UBR3: variants seen among roughly 807,000 people sequenced by gnomAD.
The protein encoded by UBR3 is ubiquitin protein ligase E3 component n-recognin 3, also known as E3 ubiquitin-protein ligase UBR3.
A neutral mutation model predicts 243.2 loss-of-function variants in UBR3; 85 were observed. The observed-to-expected ratio is 0.35, with a 90% CI of 0.29 to 0.42. The LOEUF (loss-of-function observed/expected upper bound fraction) is 0.42, where lower values mean the gene tolerates loss of function less well. Among genes scored for constraint, UBR3 ranks in the 10% least tolerant of loss-of-function variants. The pLI, the probability that UBR3 is intolerant of heterozygous loss-of-function variation, is 1.00. For missense variants in UBR3, 1,686 were observed against 2,300.8 expected (o/e 0.73, Z 5.47); for synonymous variants, 748 against 799.8 (o/e 0.94, Z 1.09).
chr2:169,890,671 TTTA>T (rs1231684763), intron 5 of UBR3, among the ~76,000 whole-genome samples: 1 of 147,040 alleles, frequency 6.8e-6, no homozygotes, highest in Non-Finnish European at 1.5e-5. Context: ...TTAATTTGTT[TTTA>T]TTATTATTTT....
chr2:169,840,868 C>T (rs927209887), intron 1 of UBR3, among the ~76,000 whole-genome samples: 8 of 152,148 alleles, frequency 5.3e-5, no homozygotes, highest in Non-Finnish European at 1.0e-4. Flanking sequence ...ACTTGAACTA[C>T]AGGTGGGGTG....
intron 18 of UBR3, among the ~76,000 whole-genome samples, chr2:169,929,481 C>T (rs1017571604): frequency 6.6e-6 from 1 of 152,030 alleles, no homozygotes; most frequent in African/African-American, 2.4e-5. Flanking sequence ...GAGGCTGAGG[C>T]AGGAGAATCA....
At chr2:170,062,337 T>C (rs552821706) in intron 35 of UBR3, among the ~76,000 whole-genome samples, 10 of 152,306 alleles carry the variant, frequency 6.6e-5, no homozygotes, top group African/African-American at 2.4e-4. Context: ...AAATTAAACA[T>C]TTATCATATT....
chr2:169,893,085 A>G (rs543034826), intron 6 of UBR3, among the ~76,000 whole-genome samples: 2 of 152,360 alleles, frequency 1.3e-5, no homozygotes, highest in East Asian at 1.9e-4. Flanking sequence ...ATTTCTGACT[A>G]CATTTTCATA....
At chr2:169,850,837 C>CA (rs901463712) in intron 1 of UBR3, among the ~76,000 whole-genome samples, 6 of 147,484 alleles carry the variant, frequency 4.1e-5, no homozygotes, top group Non-Finnish European at 6.0e-5. Context: ...GAGAGAGACT[C>CA]AGTCTCAAAA....
intron 24 of UBR3, among the ~76,000 whole-genome samples, chr2:169,968,698 A>G (rs1311857957): frequency 6.6e-6 from 1 of 152,196 alleles, no homozygotes; most frequent in Admixed American, 6.5e-5. Flanking sequence ...TCTTTTGAAT[A>G]TATACCCAGC....
In UBR3 at chr2:170,055,442, A is replaced by ATTTT; in HGVS notation, c.4661-13_4661-10dup. 6.2e-7 allele frequency: 1 copy of ATTTT among 1,604,210 alleles called. No individual in the cohort carries two copies. Among genetic ancestry groups the ATTTT allele is most frequent in the Admixed American group, 1.7e-5 (1 of 58,166 alleles). ...ATATCTAGATTCCAAAGAAATAATGATTTTTTTTCTCTTGCAGACCACTTT... is the reference window on the plus strand; with the variant it reads ...ATATCTAGATTCCAAAGAAATAATGATTTTTTTTTTTTCTCTTGCAGACCACTTT... On this transcript the variant is annotated splice_polypyrimidine_tract_variant and intron_variant, in intron 32 of 38. Coordinates refer to ENST00000272793, the MANE Select transcript of UBR3 (RefSeq NM_172070.4).
intron 30 of UBR3, among the ~76,000 whole-genome samples, chr2:170,025,046 G>T (rs1280060730): frequency 1.3e-5 from 2 of 152,020 alleles, no homozygotes; most frequent in Non-Finnish European, 2.9e-5. Context: ...GCAACAGAAA[G>T]GGAAAAGTAG....
rs374411417 is a variant in UBR3 at position 170,001,318 on chromosome 2, G to A, written c.3933G>A (p.Leu1311=). ...QRYFKDSSCL[L]AVSIGWEGGV... ...TTATTTTGAAGAGTTCATGTCTCTT[G>A]GCAGTATCAATTGGCTGGGAAGGAG... The change falls in exon 27 of 39, where the codon TTG becomes TTA. Residue 1311 remains leucine (L), a synonymous_variant. Transcript: ENST00000272793. The A allele has an allele frequency of 3.1e-5, 50 of 1,611,388 alleles. No individual in the cohort carries two copies. The highest frequency in any genetic ancestry group is 4.2e-5 in the Non-Finnish European group (50 of 1,177,854).
At position 169,906,055 on chromosome 2, in the gene UBR3, T is replaced by G; in HGVS notation, c.1670T>G (p.Leu557Arg). Residue 557 changes from leucine to arginine, a missense_variant, in exon 10 of 39, where the codon CTA becomes CGA. This residue lies in a region of UBR3 where 346 missense variants were observed against 585.8 expected (regional missense o/e 0.59). Coordinates refer to ENST00000272793, the MANE Select transcript of UBR3 (RefSeq NM_172070.4). ...GGTATGAACTTAAACAAGCGAGAAC[T>G]AAACGAGCATGTGGAATTTGAGTCT... ...FQGMNLNKRE[L>R]NEHVEFESQT... The G allele has an allele frequency of 6.4e-7, 1 of 1,551,796 alleles. No individual in the cohort carries two copies.
At chr2:169,927,525 AAAG>A (rs1167673558) in intron 17 of UBR3, 120 bp downstream of exon 17, 2 of 763,064 alleles carry the variant, frequency 2.6e-6, no homozygotes, top group Non-Finnish European at 4.0e-6. Context: ...TAATATAGAA[AAAG>A]AAGAACACCA....
intron 3 of UBR3, among the ~76,000 whole-genome samples, chr2:169,876,377 G>T (rs573606619): frequency 1.3e-5 from 2 of 152,318 alleles, no homozygotes; most frequent in South Asian, 4.1e-4. Flanking sequence ...ACTGCGCCTG[G>T]CAAGAGAACT....
intron 5 of UBR3, among the ~76,000 whole-genome samples, chr2:169,886,243 G>T (rs1461574173): frequency 1.3e-5 from 2 of 152,114 alleles, no homozygotes; most frequent in Non-Finnish European, 2.9e-5. Flanking sequence ...AATGGTAAGG[G>T]TAGGGCAGGG....
rs116144838 is a variant in UBR3, at chr2:169,948,645, C to G, written c.3084+930C>G. Among the ~76,000 whole-genome samples, 1,471 of 152,086 alleles carry G rather than the reference C, an allele frequency of 9.7e-3. 7 individuals are homozygous for G. Among genetic ancestry groups the G allele is most frequent in the Non-Finnish European group, 0.015 (1,036 of 67,870 alleles). ...TTTCACTGTAAGCAAAAACTGGAAA[C>G]TCTGTAAGAGGCTTTTGCCTCTAAT... On this transcript the variant is annotated intron_variant, in intron 22 of 38. Transcript: ENST00000272793.
At chr2:170,005,351 C>T (rs1574381391) in intron 27 of UBR3, among the ~76,000 whole-genome samples, 1 of 152,186 alleles carries the variant, frequency 6.6e-6, no homozygotes, top group Non-Finnish European at 1.5e-5. Flanking sequence ...CAGTTTGTAG[C>T]AAGAAGGCAT....
rs746522543 is a variant in UBR3 at position 169,974,466 on chromosome 2, A to G, written c.3635-12179A>G. On this transcript the variant is annotated intron_variant, in intron 24 of 38. Transcript: ENST00000272793. The stretch of plus-strand genomic sequence containing the variant: ...ATTGGTTGGCATATAGTTGTTCATA[A>G]TAGTCTCTAATGACCCTTTGTATTT... 2.6e-5 allele frequency among the ~76,000 whole-genome samples: 4 copies of G among 152,206 alleles called. 1 individual carries two copies. Among genetic ancestry groups the G allele is most frequent in the Admixed American group, 2.6e-4 (4 of 15,290 alleles).
chr2:169,949,806 C>CT lies in UBR3; in HGVS notation c.3288dup (p.His1097SerfsTer17). On this transcript the variant is annotated frameshift_variant, in exon 23 of 39. Transcript: ENST00000272793. LOFTEE classifies it high-confidence loss of function. The stretch of plus-strand genomic sequence containing the variant: ...AAGCATATTGTCTTTGCTAATTAAA[C>CT]TTCACCACAAACTCTCAGGAAAACA... The CT allele has an allele frequency of 6.4e-7, 1 of 1,553,504 alleles. No individual in the cohort carries two copies. The highest frequency in any genetic ancestry group is 8.7e-7 in the Non-Finnish European group (1 of 1,147,586).
At chr2:170,071,650 C>T (rs184548715) in intron 35 of UBR3, among the ~76,000 whole-genome samples, 1 of 152,162 alleles carries the variant, frequency 6.6e-6, no homozygotes, top group East Asian at 1.9e-4. Context: ...CTTTGTTAAA[C>T]TATATAAATG....
At chr2:170,054,213 C>G (rs1240699888) in intron 32 of UBR3, among the ~76,000 whole-genome samples, 1 of 151,826 alleles carries the variant, frequency 6.6e-6, no homozygotes, top group Non-Finnish European at 1.5e-5. Context: ...CTATAGCCTT[C>G]CCTTCTGAGC....
Sources: allele counts gnomAD v4.1 joint callset (sites outside exome capture counted in the v4.1 genomes callset), GRCh38; gene constraint gnomAD v4.1.1; regional missense constraint gnomAD v4.1.1; transcripts MANE v1.5; gene names NCBI Gene and HGNC (gene_info 2026-07-23, HGNC 2026-07-21).